SNX9: variants seen among roughly 807,000 people sequenced by gnomAD.
The protein encoded by SNX9 is sorting nexin-9.
In SNX9, 44 loss-of-function variants were observed where a neutral mutation model predicts 89.4. The observed-to-expected ratio is 0.49, with a 90% CI of 0.39 to 0.63. SNX9 has a LOEUF of 0.63. Among genes scored for constraint, SNX9 ranks in the 30% least tolerant of loss-of-function variants. The pLI, the probability that SNX9 is intolerant of heterozygous loss-of-function variation, is 0.00. For missense variants in SNX9, 578 were observed against 736.1 expected (o/e 0.79, Z 2.49); for synonymous variants, 236 against 247.8 (o/e 0.95, Z 0.45).
chr6:157,924,159 T>A (rs2115194842), intron 10 of SNX9, among the ~76,000 whole-genome samples: 1 of 152,192 alleles, frequency 6.6e-6, no homozygotes, highest in South Asian at 2.1e-4. Context: ...ATCATGCCAC[T>A]GCACTCCAGC....
intron 9 of SNX9, 75 bp from the exon 10 acceptor site, chr6:157,921,456 T>C (rs1783579225): frequency 1.3e-6 from 2 of 1,490,488 alleles, no homozygotes; most frequent in Non-Finnish European, 1.8e-6. Context: ...ATAGAAATGG[T>C]TTTTCAGTTA....
chr6:157,850,379 C>T (rs1034335699), intron 1 of SNX9, among the ~76,000 whole-genome samples: 1 of 152,076 alleles, frequency 6.6e-6, no homozygotes, highest in Non-Finnish European at 1.5e-5. Flanking sequence ...AGGTATTATT[C>T]AAAGGAATAT....
At chr6:157,929,298 T>C (rs1400296230) in intron 12 of SNX9, among the ~76,000 whole-genome samples, 1 of 152,220 alleles carries the variant, frequency 6.6e-6, no homozygotes, top group Admixed American at 6.5e-5. Context: ...TCACCACACA[T>C]GTGGCCCAGG....
intron 9 of SNX9, among the ~76,000 whole-genome samples, chr6:157,911,441 C>G (rs1783342528): frequency 1.3e-5 from 2 of 152,202 alleles, no homozygotes; most frequent in African/African-American, 4.8e-5. Context: ...TCAGGGAGGG[C>G]CTGCGACCCT....
Position 157,909,547 on chromosome 6 carries a change from C to T in SNX9, c.706-118C>T. ...CATTTATGTACCTTTCAAAGAGGAA[C>T]AAGAATGACCCTCCAAAGGACTTCT... is the stretch of plus-strand genomic sequence containing the variant. On this transcript the variant is annotated intron_variant, in intron 7 of 17. Transcript: ENST00000392185. 4.2e-6 allele frequency: 5 copies of T among 1,190,158 alleles called. No individual in the cohort carries two copies. The African/African-American group carries it at 4.6e-5, about 11-fold the overall frequency. 73.7% of individuals were successfully genotyped at this position (1,190,158 alleles called of 1,614,324 possible). A position where few individuals can be genotyped will look rare whatever the true frequency, so the allele number is the denominator to read the frequency against.
At position 157,873,171 on chromosome 6, in the gene SNX9, G is replaced by A. The variant is rs557822765; in HGVS notation, c.169G>A (p.Val57Ile). 160 of 1,588,236 alleles carry A rather than the reference G, an allele frequency of 1.0e-4. No homozygotes were observed. The highest frequency in any genetic ancestry group is 1.3e-4 in the Non-Finnish European group (146 of 1,166,566). The change falls in exon 3 of 18, where the codon GTT becomes ATT. Residue 57 changes from valine (V) to isoleucine (I), a missense_variant. By Grantham distance (29) the Val-to-Ile change is conservative. Coordinates refer to ENST00000392185, the MANE Select transcript of SNX9 (RefSeq NM_016224.5). Reference protein sequence around the residue: ...GERGLVPTDYVEILPSDGKDQ... With the variant: ...GERGLVPTDYIEILPSDGKDQ... ...ACGAGGGCTGGTTCCCACAGACTAC[G>A]TTGAAGTAAGAGCTTCCTGTCATTC...
intron 17 of SNX9, 122 bp from the exon 18 acceptor site, chr6:157,942,669 A>G: frequency 3.8e-6 from 4 of 1,058,204 alleles, no homozygotes; most frequent in African/African-American, 1.6e-5. Flanking sequence ...TGGTGCCAAA[A>G]AGACCAGTTA....
chr6:157,840,091 C>G (rs1332664786), intron 1 of SNX9, among the ~76,000 whole-genome samples: 17 of 147,484 alleles, frequency 1.2e-4, no homozygotes, highest in Admixed American at 1.1e-3. Context: ...AAGAGCAGAC[C>G]CTCAGGCTGG....
chr6:157,927,718 CTTTTTTTTT>C (rs761592456), intron 11 of SNX9, among the ~76,000 whole-genome samples: 23,167 of 98,026 alleles, frequency 0.24, 1,460 homozygotes, highest in African/African-American at 0.28. Context: ...TAATTTTAAG[CTTTTTTTTT>C]TTTTTTTTTT....
At chr6:157,934,404 A>G (rs1783879793) in intron 13 of SNX9, 1 of 152,236 alleles carries the variant, frequency 6.6e-6, no homozygotes, top group East Asian at 1.9e-4. Flanking sequence ...TTATTAGAAA[A>G]CAAATTTAAA....
At chr6:157,824,634 T>C (rs1781307023) in intron 1 of SNX9, among the ~76,000 whole-genome samples, 1 of 152,220 alleles carries the variant, frequency 6.6e-6, no homozygotes, top group South Asian at 2.1e-4. Context: ...GATGTTGTGC[T>C]GTGGTAAATT....
At chr6:157,902,093 C>A in intron 6 of SNX9, 48 bp downstream of exon 6, 1 of 1,584,440 alleles carries the variant, frequency 6.3e-7, no homozygotes, top group Non-Finnish European at 8.6e-7. Flanking sequence ...TAGAAGTATA[C>A]ATTAATACAA....
In SNX9 at chr6:157,940,303, T is replaced by TA. The variant is rs202120721; in HGVS notation, c.1649-579dup. On this transcript the variant is annotated intron_variant, in intron 16 of 17. Coordinates refer to ENST00000392185, the MANE Select transcript of SNX9 (RefSeq NM_016224.5). ...GTATTTTCTATTTGATCGATTCTGT[T>TA]AGAGTAATAGGCTGCATTTGGGTGA... Among the ~76,000 whole-genome samples the TA allele has an allele frequency of 6.4e-3, 974 of 152,358 alleles. 15 individuals are homozygous for TA. The highest frequency in any genetic ancestry group is 0.022 in the African/African-American group (916 of 41,580).
At chr6:157,852,799 C>G (rs547194288) in intron 1 of SNX9, among the ~76,000 whole-genome samples, 2 of 152,210 alleles carry the variant, frequency 1.3e-5, no homozygotes, top group Admixed American at 1.3e-4. Flanking sequence ...GTCTTAAATT[C>G]CTGAGTTTGT....
intron 1 of SNX9, among the ~76,000 whole-genome samples, chr6:157,848,829 T>G (rs1781854013): frequency 6.6e-6 from 1 of 152,230 alleles, no homozygotes; most frequent in Non-Finnish European, 1.5e-5. Context: ...GAGGGATAGA[T>G]ACGTAACCGA....
At chr6:157,842,394 C>T (rs925647351) in intron 1 of SNX9, among the ~76,000 whole-genome samples, 3 of 152,190 alleles carry the variant, frequency 2.0e-5, no homozygotes, top group Non-Finnish European at 4.4e-5. Context: ...TCAAAATCCT[C>T]ATGATGCAAC....
chr6:157,890,891 A>C (rs1245394511), intron 4 of SNX9, among the ~76,000 whole-genome samples: 1 of 152,034 alleles, frequency 6.6e-6, no homozygotes, highest in Non-Finnish European at 1.5e-5. Flanking sequence ...TTCCCATTTT[A>C]CTGCTCTTGC....
chr6:157,938,548 A>G, intron 15 of SNX9, 85 bp from the exon 16 acceptor site: 1 of 860,652 alleles, frequency 1.2e-6, no homozygotes, highest in Non-Finnish European at 1.9e-6. Flanking sequence ...CAAATCAGTT[A>G]TAGAATATAT....
In SNX9 at chr6:157,944,037, G is replaced by GAGC. The variant is rs2115229631; in HGVS notation, c.*1201_*1203dup. 6.6e-6 allele frequency: 1 copy of GAGC among 152,480 alleles called. No homozygotes were observed. Among genetic ancestry groups the GAGC allele is most frequent in the East Asian group, 1.9e-4 (1 of 5,198 alleles). 9.4% of individuals were successfully genotyped at this position (152,480 alleles called of 1,614,324 possible). ...CCGAAACTTCACACAGGGTGTTTCT[G>GAGC]AGCACCAGCACTTCCAGCGCTTCAC... is the stretch of plus-strand genomic sequence containing the variant. On this transcript the variant is annotated 3_prime_UTR_variant, in exon 18 of 18. Coordinates refer to ENST00000392185, the MANE Select transcript of SNX9 (RefSeq NM_016224.5).
Sources: allele counts gnomAD v4.1 joint callset (sites outside exome capture counted in the v4.1 genomes callset), GRCh38; gene constraint gnomAD v4.1.1; transcripts MANE v1.5; gene names NCBI Gene and HGNC (gene_info 2026-07-23, HGNC 2026-07-21).